The following CLMP variants were observed in gnomAD, a reference collection of about 807,000 sequenced individuals.
CLMP encodes the protein CXADR-like membrane protein.
CLMP carries 27 observed loss-of-function variants against 45.2 expected under a neutral mutation model. That is an observed-to-expected ratio of 0.60 (90% CI 0.44 to 0.82). The LOEUF (loss-of-function observed/expected upper bound fraction) is 0.82. CLMP is among the 40% of genes least tolerant of loss of function. The pLI is 0.00. For synonymous variants in CLMP, 167 were observed against 171.4 expected (o/e 0.97, Z 0.20); for missense variants, 403 against 448.4 (o/e 0.90, Z 0.91).
intron 5 of CLMP, among the ~76,000 whole-genome samples, chr11:123,075,379 T>G (rs1591447369): frequency 6.7e-6 from 1 of 148,480 alleles, no homozygotes; most frequent in Non-Finnish European, 1.5e-5. Context: ...GTGGCCAGGG[T>G]TTTTGTTTGT....
chr11:123,121,905 G>A (rs763304478), intron 1 of CLMP, among the ~76,000 whole-genome samples: 1 of 151,828 alleles, frequency 6.6e-6, no homozygotes, highest in Non-Finnish European at 1.5e-5. Context: ...CCTTGCGTCC[G>A]GCTAATTTTT....
chr11:123,191,682 C>G (rs934645591), intron 1 of CLMP, among the ~76,000 whole-genome samples: 1 of 152,252 alleles, frequency 6.6e-6, no homozygotes, highest in Non-Finnish European at 1.5e-5. Flanking sequence ...CTGGGCTCCT[C>G]ACTATTGGGT....
At chr11:123,187,402 G>A (rs891496508) in intron 1 of CLMP, among the ~76,000 whole-genome samples, 13 of 152,190 alleles carry the variant, frequency 8.5e-5, no homozygotes, top group African/African-American at 2.7e-4. Context: ...AAGTCTGAAC[G>A]ATCCCCACAA....
intron 1 of CLMP, among the ~76,000 whole-genome samples, chr11:123,108,939 A>G (rs1860598502): frequency 6.6e-6 from 1 of 151,848 alleles, no homozygotes; most frequent in African/African-American, 2.4e-5. Context: ...CATGCCTATA[A>G]TCCCAGCTAC....
At chr11:123,178,915 A>G (rs1017627882) in intron 1 of CLMP, among the ~76,000 whole-genome samples, 1 of 152,208 alleles carries the variant, frequency 6.6e-6, no homozygotes, top group Non-Finnish European at 1.5e-5. Context: ...GTTCACATAT[A>G]TGAAAACGTC....
chr11:123,109,814 T>A (rs991121821), intron 1 of CLMP, among the ~76,000 whole-genome samples: 2 of 152,184 alleles, frequency 1.3e-5, no homozygotes, highest in Non-Finnish European at 2.9e-5. Flanking sequence ...ACATCTCCAT[T>A]GTACTTTATA....
chr11:123,177,001 T>C (rs183254380), intron 1 of CLMP, among the ~76,000 whole-genome samples: 4 of 152,266 alleles, frequency 2.6e-5, no homozygotes, highest in East Asian at 3.9e-4. Context: ...AGAGAGCTTA[T>C]GGTCTAGAAA....
At chr11:123,090,912 T>C (rs1052345488) in intron 2 of CLMP, among the ~76,000 whole-genome samples, 1 of 152,178 alleles carries the variant, frequency 6.6e-6, no homozygotes, top group African/African-American at 2.4e-5. Context: ...GTTGTGGTTA[T>C]GTGCCTATGT....
intron 1 of CLMP, among the ~76,000 whole-genome samples, chr11:123,148,615 A>T (rs1861270960): frequency 6.6e-6 from 1 of 152,178 alleles, no homozygotes; most frequent in South Asian, 2.1e-4. Context: ...GACAGTAGGA[A>T]TCTTTACCTC....
At chr11:123,135,226 C>A (rs183191974) in intron 1 of CLMP, among the ~76,000 whole-genome samples, 7 of 145,078 alleles carry the variant, frequency 4.8e-5, no homozygotes, top group Admixed American at 3.5e-4. Context: ...TGCCATTGCA[C>A]TCTAGCCTGG....
intron 5 of CLMP, among the ~76,000 whole-genome samples, chr11:123,082,305 A>G (rs1473377534): frequency 1.3e-5 from 2 of 152,144 alleles, no homozygotes; most frequent in African/African-American, 2.4e-5. Flanking sequence ...TACAGAGTCA[A>G]CTGGTGTGTT....
At chr11:123,189,371 G>A (rs1046559692) in intron 1 of CLMP, among the ~76,000 whole-genome samples, 1 of 152,142 alleles carries the variant, frequency 6.6e-6, no homozygotes, top group Non-Finnish European at 1.5e-5. Flanking sequence ...TACTCGCAGT[G>A]TATTCTAGAG....
chr11:123,070,058 C>T lies in CLMP; in HGVS notation c.*3416G>A, dbSNP rs1049687702. 1.4e-4 allele frequency: 22 copies of T among 152,122 alleles called. No individual in the cohort carries two copies. The highest frequency in any genetic ancestry group is 5.3e-4 in the African/African-American group (22 of 41,428). 9.4% of individuals were successfully genotyped at this position (152,122 alleles called of 1,614,324 possible). ...ATATGTCTTTTTGCAACAGCAGTTC[C>T]GAAATTGTTTTTATACACTGTAACA... On this transcript the variant is annotated 3_prime_UTR_variant, in exon 7 of 7. Transcript: ENST00000448775.
intron 2 of CLMP, among the ~76,000 whole-genome samples, chr11:123,095,339 C>A (rs1239128288): frequency 1.3e-5 from 2 of 151,722 alleles, no homozygotes; most frequent in Non-Finnish European, 2.9e-5. Context: ...GTTGCCCAGG[C>A]TGGAGTGCAA....
intron 1 of CLMP, among the ~76,000 whole-genome samples, chr11:123,177,280 G>A (rs936423589): frequency 5.3e-5 from 8 of 152,120 alleles, no homozygotes; most frequent in African/African-American, 9.7e-5. Context: ...TGGGAGGTGC[G>A]GTCTTAGGAA....
At chr11:123,075,011 A>G (rs1865721255) in intron 5 of CLMP, among the ~76,000 whole-genome samples, 168 bp from the exon 6 acceptor site, 1 of 150,834 alleles carries the variant, frequency 6.6e-6, no homozygotes, top group African/African-American at 2.4e-5. Flanking sequence ...GCTGGGGTGC[A>G]GTGGCATGAT....
intron 1 of CLMP, among the ~76,000 whole-genome samples, chr11:123,121,253 A>G (rs1038924623): frequency 1.3e-5 from 2 of 151,882 alleles, no homozygotes; most frequent in African/African-American, 4.8e-5. Flanking sequence ...TTTTTTCTGA[A>G]GCTGTTGAAT....
At chr11:123,122,433 A>T (rs1431420368) in intron 1 of CLMP, among the ~76,000 whole-genome samples, 2 of 152,134 alleles carry the variant, frequency 1.3e-5, no homozygotes, top group Non-Finnish European at 2.9e-5. Flanking sequence ...TGCGATACTG[A>T]CTGTGATATT....
chr11:123,182,196 G>A lies in CLMP; in HGVS notation c.28+12717C>T, dbSNP rs200907127. Among the ~76,000 whole-genome samples the A allele has an allele frequency of 9.8e-5, 15 of 152,296 alleles. No individual in the cohort carries two copies. In the South Asian group the frequency reaches 2.3e-3, roughly 23 times the overall value. Reference sequence around the variant, plus strand: ...ACACACAGCACCGATTTAAAAGACCGAACAACTGCTCTGACCCAAGTTTGC... The same window carrying A: ...ACACACAGCACCGATTTAAAAGACCAAACAACTGCTCTGACCCAAGTTTGC... On this transcript the variant is annotated intron_variant, in intron 1 of 6. Transcript: ENST00000448775.
Sources: gnomAD v4.1 joint callset for allele counts (sites outside exome capture counted in the v4.1 genomes callset) on GRCh38, gnomAD v4.1.1 for gene constraint, MANE v1.5 for transcripts, NCBI Gene and HGNC (gene_info 2026-07-23, HGNC 2026-07-21) for gene names.